The following HECTD4 variants were observed in gnomAD, a reference collection of about 807,000 sequenced individuals.
HECTD4 encodes HECT domain E3 ubiquitin protein ligase 4.
A neutral mutation model predicts 471.5 loss-of-function variants in HECTD4; 114 were observed. The ratio of observed to expected loss-of-function variants is 0.24; its 90% CI spans 0.21 to 0.28. HECTD4 has a LOEUF of 0.28. Among genes scored for constraint, HECTD4 ranks in the 10% least tolerant of loss-of-function variants. The pLI is 1.00. For synonymous variants in HECTD4, 2,012 were observed against 2,256.0 expected (o/e 0.89, Z 3.07); for missense variants, 3,866 against 5,651.5 (o/e 0.68, Z 10.13).
At chr12:112,174,414 TACC>T (rs1005621281) in intron 66 of HECTD4, among the ~76,000 whole-genome samples, 1 of 149,898 alleles carries the variant, frequency 6.7e-6, no homozygotes, top group Non-Finnish European at 1.5e-5. Context: ...TACAAGCACC[TACC>T]ACCACACCTG....
At chr12:112,237,975 A>G (rs1456872152) in intron 34 of HECTD4, among the ~76,000 whole-genome samples, 1 of 152,074 alleles carries the variant, frequency 6.6e-6, no homozygotes, top group Non-Finnish European at 1.5e-5. Flanking sequence ...GCTGGTCTCG[A>G]ACTCCTGACC....
chr12:112,324,084 TTC>T lies in HECTD4; in HGVS notation c.178-4344_178-4343del, dbSNP rs2035686327. ...TTTCTTTCTTTCTTTCTTTCTTTCT[TTC>T]TTTCTTTCTTTCTTTCCTCTCTCTC... On this transcript the variant is annotated intron_variant, in intron 1 of 75. Transcript: ENST00000682272. 2.3e-5 allele frequency among the ~76,000 whole-genome samples: 2 copies of T among 85,490 alleles called. 1 individual carries two copies. Among genetic ancestry groups the T allele is most frequent in the Non-Finnish European group, 3.9e-5 (2 of 51,018 alleles). The allele number at this position is 85,490 out of a possible 152,430, so 56.1% of individuals were successfully genotyped here. A position where few individuals can be genotyped will look rare whatever the true frequency, so the allele number is the denominator to read the frequency against.
At chr12:112,315,656 A>G (rs1437427544) in intron 2 of HECTD4, among the ~76,000 whole-genome samples, 1 of 152,162 alleles carries the variant, frequency 6.6e-6, no homozygotes, top group Non-Finnish European at 1.5e-5. Context: ...CAAAACCTTT[A>G]ACATTTAGAA....
At position 112,188,664 on chromosome 12, in the gene HECTD4, G is replaced by C. The variant is rs993480499; in HGVS notation, c.9472+2122C>G. On this transcript the variant is annotated intron_variant, in intron 60 of 75. Transcript: ENST00000682272. This position sits in a 1 kb window ranked among gnomAD's most constrained non-coding sequence, Gnocchi z 4.2. ...AGATTACTGGCCGGGGGAATCCCAA[G>C]GGCCTGCTGAAGCTGACTTACTAAG... 6.6e-6 allele frequency among the ~76,000 whole-genome samples: 1 copy of C among 152,246 alleles called. No individual in the cohort carries two copies. The highest frequency in any genetic ancestry group is 2.1e-4 in the South Asian group (1 of 4,832).
chr12:112,375,326 G>A (rs2036756616), intron 1 of HECTD4, among the ~76,000 whole-genome samples: 1 of 152,126 alleles, frequency 6.6e-6, no homozygotes, highest in Non-Finnish European at 1.5e-5. Flanking sequence ...TCCAGCTTTG[G>A]GCAATCACAA....
At chr12:112,380,332 C>T (rs1361782162) in intron 1 of HECTD4, among the ~76,000 whole-genome samples, 1 of 152,022 alleles carries the variant, frequency 6.6e-6, no homozygotes, top group Non-Finnish European at 1.5e-5. Flanking sequence ...GTAATCCCAG[C>T]AACTCGGGAG....
intron 1 of HECTD4, among the ~76,000 whole-genome samples, chr12:112,335,442 C>A (rs1437105160): frequency 6.6e-6 from 1 of 152,084 alleles, no homozygotes; most frequent in Non-Finnish European, 1.5e-5. Flanking sequence ...CCTGTAATCC[C>A]AGCACTTTGG....
intron 55 of HECTD4, among the ~76,000 whole-genome samples, chr12:112,197,597 C>G (rs192648585): frequency 6.6e-6 from 1 of 152,334 alleles, no homozygotes; most frequent in East Asian, 1.9e-4. Context: ...CACAGATCTG[C>G]ATGGCATGTT....
At chr12:112,236,204 A>G (rs2033499663) in intron 35 of HECTD4, among the ~76,000 whole-genome samples, 1 of 152,240 alleles carries the variant, frequency 6.6e-6, no homozygotes. Context: ...ACAGAAGCTT[A>G]TCTACCATCT....
At chr12:112,379,861 T>A (rs1256940917) in intron 1 of HECTD4, among the ~76,000 whole-genome samples, 1 of 151,678 alleles carries the variant, frequency 6.6e-6, no homozygotes, top group East Asian at 1.9e-4. Flanking sequence ...CTACTACCAG[T>A]CATAAATGTT....
chr12:112,230,570 A>C, intron 40 of HECTD4, 117 bp downstream of exon 40: 1 of 1,217,042 alleles, frequency 8.2e-7, no homozygotes. Context: ...GTCAGTTAAC[A>C]GGTATCTGAT....
intron 20 of HECTD4, among the ~76,000 whole-genome samples, chr12:112,257,446 CA>C (rs1312746757): frequency 2.0e-5 from 3 of 152,166 alleles, no homozygotes; most frequent in African/African-American, 7.2e-5. Flanking sequence ...ATAAATTGCA[CA>C]TATTTAAAAC....
intron 1 of HECTD4, among the ~76,000 whole-genome samples, chr12:112,327,765 C>T (rs1176883353): frequency 6.6e-6 from 1 of 152,224 alleles, no homozygotes; most frequent in Non-Finnish European, 1.5e-5. Context: ...TTCCTTACAT[C>T]AGTTCACTAG....
rs553464241 is a variant in HECTD4, at chr12:112,282,112, G to C, written c.1528+998C>G. 2.6e-5 allele frequency among the ~76,000 whole-genome samples: 4 copies of C among 152,214 alleles called. No homozygotes were observed. In the South Asian group the frequency reaches 8.3e-4, roughly 32 times the overall value. ...TTAAAAGTGCAGAACAGCCAGGCGCGGTGGCTCACGCCTGTAATCCCAGCA... is the reference window on the plus strand; with the variant it reads ...TTAAAAGTGCAGAACAGCCAGGCGCCGTGGCTCACGCCTGTAATCCCAGCA... On this transcript the variant is annotated intron_variant, in intron 8 of 75. Transcript: ENST00000682272.
intron 37 of HECTD4, among the ~76,000 whole-genome samples, chr12:112,234,687 G>A (rs758442907): frequency 6.6e-6 from 1 of 152,188 alleles, no homozygotes; most frequent in Non-Finnish European, 1.5e-5. Flanking sequence ...TCAATGAGTT[G>A]GAGTTTACCT....
At chr12:112,271,963 G>A (rs934622344) in intron 11 of HECTD4, among the ~76,000 whole-genome samples, 3 of 152,092 alleles carry the variant, frequency 2.0e-5, no homozygotes, top group East Asian at 3.9e-4. Flanking sequence ...CTCCTGCATT[G>A]CATGGTTACT....
intron 72 of HECTD4, among the ~76,000 whole-genome samples, 182 bp from the exon 73 acceptor site, chr12:112,164,457 CCAGGCCAGGCTAAAGAGACCCA>C (rs1192951626): frequency 6.6e-6 from 1 of 152,110 alleles, no homozygotes; most frequent in African/African-American, 2.4e-5. Flanking sequence ...GGCGTGTGAC[CCAGGCCAGGCTAAAGAGACCCA>C]CATTCCAGGC....
intron 50 of HECTD4, 48 bp from the exon 51 acceptor site, chr12:112,208,678 A>G: frequency 6.7e-7 from 1 of 1,491,576 alleles, no homozygotes; most frequent in Non-Finnish European, 8.9e-7. Flanking sequence ...AGCAGGCTAG[A>G]AAAATCCTTA....
At chr12:112,186,826 C>G (rs1044905606) in intron 60 of HECTD4, among the ~76,000 whole-genome samples, 6 of 151,494 alleles carry the variant, frequency 4.0e-5, no homozygotes, top group Non-Finnish European at 8.8e-5. Context: ...TGCCACCACA[C>G]CCAGCTAATT....
Sources: gnomAD v4.1 joint callset for allele counts (sites outside exome capture counted in the v4.1 genomes callset) on GRCh38, gnomAD v4.1.1 for gene constraint, Gnocchi (gnomAD v3.1) non-coding constraint, MANE v1.5 for transcripts, NCBI Gene and HGNC (gene_info 2026-07-23, HGNC 2026-07-21) for gene names.